CCS: variants seen among roughly 807,000 people sequenced by gnomAD.
CCS encodes the protein copper chaperone for superoxide dismutase, also known as superoxide dismutase copper chaperone.
CCS carries 32 observed loss-of-function variants against 35.5 expected under a neutral mutation model. The observed-to-expected ratio is 0.90, with a 90% CI of 0.68 to 1.21. CCS has a LOEUF of 1.21. Among genes scored for constraint, CCS ranks in the 50% most tolerant of loss-of-function variants. The pLI is 0.00. For synonymous variants in CCS, 130 were observed against 147.2 expected (o/e 0.88, Z 0.84); for missense variants, 342 against 375.4 (o/e 0.91, Z 0.73).
At chr11:66,601,755 G>A (rs1314719906) in intron 5 of CCS, among the ~76,000 whole-genome samples, 3 of 151,896 alleles carry the variant, frequency 2.0e-5, no homozygotes, top group African/African-American at 7.3e-5. Flanking sequence ...TTTTTTGGTG[G>A]TAGAAATAGG....
In CCS at chr11:66,599,373, A is replaced by T. The variant is rs547864973; in HGVS notation, c.251-86A>T. 3.3e-6 allele frequency: 5 copies of T among 1,492,590 alleles called. No individual in the cohort carries two copies. The South Asian group carries it at 6.8e-5, about 20-fold the overall frequency. The allele number at this position is 1,492,590 out of a possible 1,614,324, so 92.5% of individuals were successfully genotyped here. A position where few individuals can be genotyped will look rare whatever the true frequency, so the allele number is the denominator to read the frequency against. On this transcript the variant is annotated intron_variant, in intron 3 of 7. Transcript: ENST00000533244. ...TGGCTTTGAGGAAGGTGTGAAAATTATGTGAGACTCCCTGCCCTTCCCGAG... is the reference window on the plus strand; with the variant it reads ...TGGCTTTGAGGAAGGTGTGAAAATTTTGTGAGACTCCCTGCCCTTCCCGAG...
intron 5 of CCS, among the ~76,000 whole-genome samples, chr11:66,604,235 A>C (rs1858616946): frequency 6.6e-6 from 1 of 152,050 alleles, no homozygotes; most frequent in African/African-American, 2.4e-5. Flanking sequence ...GTATCAAAAC[A>C]AAACAAAACA....
At chr11:66,605,037 G>A (rs1858631089) in intron 5 of CCS, 1 of 1,112,920 alleles carries the variant, frequency 9.0e-7, no homozygotes, top group South Asian at 1.5e-5. Flanking sequence ...TGACTGCACA[G>A]GCAGGGGAAA....
intron 5 of CCS, among the ~76,000 whole-genome samples, chr11:66,604,909 T>C (rs1858629281): frequency 6.6e-6 from 1 of 152,176 alleles, no homozygotes. Context: ...CCTATAGGAA[T>C]TGAAGACAGC....
chr11:66,604,769 G>A (rs896703902), intron 5 of CCS, among the ~76,000 whole-genome samples: 1 of 152,176 alleles, frequency 6.6e-6, no homozygotes, highest in Admixed American at 6.5e-5. Flanking sequence ...AAGGAGGGCA[G>A]AGCCAGCTTC....
intron 5 of CCS, among the ~76,000 whole-genome samples, chr11:66,604,903 T>C (rs1314774997): frequency 6.6e-6 from 1 of 152,090 alleles, no homozygotes; most frequent in South Asian, 2.1e-4. Flanking sequence ...CTTAAGCCTA[T>C]AGGAATTGAA....
chr11:66,605,734 G>A lies in CCS; in HGVS notation c.704G>A (p.Gly235Asp). Residue 235 changes from glycine (G) to aspartate (D), a missense_variant, in exon 8 of 8, where the codon GGC becomes GAC. Transcript: ENST00000533244. ...LACGIIARSA[G>D]LFQNPKQICS... ...TGTGGCATCATTGCACGCTCCGCTGGCCTTTTCCAGAACCCCAAGCAGATC... is the reference window on the plus strand; with the variant it reads ...TGTGGCATCATTGCACGCTCCGCTGACCTTTTCCAGAACCCCAAGCAGATC... 1 of 1,601,488 alleles carries A rather than the reference G, an allele frequency of 6.2e-7. No homozygotes were observed. The highest frequency in any genetic ancestry group is 8.5e-7 in the Non-Finnish European group (1 of 1,173,448).
At chr11:66,602,794 C>G (rs1164733286) in intron 5 of CCS, among the ~76,000 whole-genome samples, 1 of 152,252 alleles carries the variant, frequency 6.6e-6, no homozygotes, top group Non-Finnish European at 1.5e-5. Flanking sequence ...GCATCAGCAG[C>G]TGTACCTCAC....
intron 5 of CCS, 77 bp from the exon 6 acceptor site, chr11:66,605,262 G>T: frequency 1.9e-6 from 3 of 1,595,128 alleles, no homozygotes; most frequent in South Asian, 2.3e-5. Flanking sequence ...AGAGGCGTCG[G>T]AATCAGGAAA....
At chr11:66,596,948 A>G (rs1156808053) in intron 2 of CCS, among the ~76,000 whole-genome samples, 2 of 152,198 alleles carry the variant, frequency 1.3e-5, no homozygotes, top group Non-Finnish European at 2.9e-5. Context: ...ACAACTTACT[A>G]CAGTGCGACT....
At chr11:66,604,262 C>T (rs890110227) in intron 5 of CCS, among the ~76,000 whole-genome samples, 2 of 152,020 alleles carry the variant, frequency 1.3e-5, no homozygotes, top group Non-Finnish European at 2.9e-5. Context: ...AAAAACCGCT[C>T]TTCAGGGCTC....
intron 4 of CCS, 151 bp from the exon 5 acceptor site, chr11:66,600,338 C>G: frequency 2.2e-6 from 1 of 448,548 alleles, no homozygotes; most frequent in Non-Finnish European, 3.9e-6. Flanking sequence ...TGATTCTTCT[C>G]GGTGCCCTCT....
At position 66,599,451 on chromosome 11, in the gene CCS, C is replaced by A. The variant is rs1858535474; in HGVS notation, c.251-8C>A. The A allele has an allele frequency of 1.6e-5, 24 of 1,527,618 alleles. No individual in the cohort carries two copies. Among genetic ancestry groups the A allele is most frequent in the South Asian group, 5.2e-5 (4 of 76,864 alleles). The allele number at this position is 1,527,618 out of a possible 1,614,324, so 94.6% of individuals were successfully genotyped here. ...GGCAAGCCAGCCCAAGTGTCTAATA[C>A]CTTGCAGAGAATCTGGGGGCAGCAG... On this transcript the variant is annotated splice_polypyrimidine_tract_variant and splice_region_variant and intron_variant, in intron 3 of 7. Coordinates refer to ENST00000533244, the MANE Select transcript of CCS (RefSeq NM_005125.2).
chr11:66,605,853 T>C lies in CCS; in HGVS notation c.823T>C (p.Ter275ArgextTer?). ...KESAQPPAHL[*>R] ...GTCAGCGCAGCCCCCTGCCCACCTT[T>C]GAGCAGGACCTCACCTTGGCTCTGT... Residue 275 changes from the stop codon to arginine, a stop_lost, in exon 8 of 8, where the codon TGA becomes CGA. Coordinates refer to ENST00000533244, the MANE Select transcript of CCS (RefSeq NM_005125.2). 1 of 1,533,236 alleles carries C rather than the reference T, an allele frequency of 6.5e-7. No homozygotes were observed. Among genetic ancestry groups the C allele is most frequent in the Non-Finnish European group, 8.8e-7 (1 of 1,140,464 alleles). The allele number at this position is 1,533,236 out of a possible 1,614,324, so 95.0% of individuals were successfully genotyped here. A position where few individuals can be genotyped will look rare whatever the true frequency, so the allele number is the denominator to read the frequency against.
intron 5 of CCS, among the ~76,000 whole-genome samples, chr11:66,603,368 A>G (rs1858600046): frequency 6.6e-6 from 1 of 152,052 alleles, no homozygotes; most frequent in African/African-American, 2.4e-5. Flanking sequence ...TGAGTTCAGG[A>G]GTTCGAGACC....
intron 5 of CCS, among the ~76,000 whole-genome samples, chr11:66,604,074 A>G (rs1231405717): frequency 6.7e-6 from 1 of 149,178 alleles, no homozygotes; most frequent in Non-Finnish European, 1.5e-5. Flanking sequence ...TAAAAGAAAT[A>G]CAAAAACTAG....
chr11:66,597,338 G>A (rs974758878), intron 2 of CCS, among the ~76,000 whole-genome samples: 4 of 151,858 alleles, frequency 2.6e-5, no homozygotes, highest in African/African-American at 9.7e-5. Flanking sequence ...GGCACCTGTT[G>A]TCCCAGCTAC....
intron 2 of CCS, among the ~76,000 whole-genome samples, chr11:66,597,702 A>G (rs1263329280): frequency 1.3e-5 from 2 of 151,848 alleles, no homozygotes; most frequent in Non-Finnish European, 2.9e-5. Flanking sequence ...CAGTGAGCCC[A>G]GATGGCGCCA....
intron 5 of CCS, 148 bp from the exon 6 acceptor site, chr11:66,605,191 G>A (rs1165740678): frequency 6.5e-7 from 1 of 1,541,426 alleles, no homozygotes; most frequent in Non-Finnish European, 8.7e-7. Context: ...AGTCCTTGGG[G>A]AGCTCAGATC....
Sources: gnomAD v4.1 joint callset for allele counts (sites outside exome capture counted in the v4.1 genomes callset) on GRCh38, gnomAD v4.1.1 for gene constraint, MANE v1.5 for transcripts, NCBI Gene and HGNC (gene_info 2026-07-23, HGNC 2026-07-21) for gene names.